P2RY2: variants seen among roughly 807,000 people sequenced by gnomAD.
The protein encoded by P2RY2 is purinergic receptor P2Y2, also known as P2Y purinoceptor 2.
For synonymous variants in P2RY2, 241 were observed against 231.9 expected, an observed-to-expected ratio of 1.04 and a Z score of -0.35; for missense variants, 567 against 515.7, an observed-to-expected ratio of 1.10 and a Z score of -0.96.
Position 73,238,170 on chromosome 11 carries a change from T to G in P2RY2, c.*2877T>G, listed in dbSNP as rs1270727222. On this transcript the variant is annotated 3_prime_UTR_variant, in exon 3 of 3. Transcript: ENST00000393597. ...GCCTTGGTGACGATCCTGCTGTCAC[T>G]CACACTGCCCAGCTCTTCCTGCCCA... 1.3e-5 allele frequency among the ~76,000 whole-genome samples: 2 copies of G among 152,172 alleles called. No individual in the cohort carries two copies. The highest frequency in any genetic ancestry group is 2.9e-5 in the Non-Finnish European group (2 of 68,032).
Sources: gnomAD v4.1 joint callset for allele counts (sites outside exome capture counted in the v4.1 genomes callset) on GRCh38, gnomAD v4.1.1 for gene constraint, MANE v1.5 for transcripts, NCBI Gene and HGNC (gene_info 2026-07-23, HGNC 2026-07-21) for gene names.